The following IL22RA1 variants were observed in gnomAD, a reference collection of about 807,000 sequenced individuals.
IL22RA1 encodes interleukin 22 receptor subunit alpha 1.
Under a neutral mutation model 32.8 loss-of-function variants are expected in IL22RA1, and 25 were observed. The observed-to-expected ratio is 0.76, with a 90% CI of 0.55 to 1.06. IL22RA1 has a LOEUF of 1.06. IL22RA1 is among the 50% of genes least tolerant of loss of function. The pLI is 0.00. For synonymous variants in IL22RA1, 305 were observed against 305.0 expected (o/e 1.00, Z 0.00); for missense variants, 709 against 727.4 (o/e 0.97, Z 0.29).
At chr1:24,133,874 T>C (rs1644223497) in intron 4 of IL22RA1, among the ~76,000 whole-genome samples, 1 of 152,102 alleles carries the variant, frequency 6.6e-6, no homozygotes, top group Non-Finnish European at 1.5e-5. Flanking sequence ...CATATGTAGC[T>C]AACCTGCACA....
At chr1:24,134,515 A>C (rs1164428250) in intron 3 of IL22RA1, 129 bp from the exon 4 acceptor site, 1 of 616,724 alleles carries the variant, frequency 1.6e-6, no homozygotes, top group Non-Finnish European at 2.5e-6. Flanking sequence ...TATGCTTCTG[A>C]AAGCAACGGC....
intron 4 of IL22RA1, among the ~76,000 whole-genome samples, chr1:24,132,830 G>A (rs554480988): frequency 1.3e-4 from 19 of 151,500 alleles, no homozygotes; most frequent in Admixed American, 2.0e-4. Flanking sequence ...GTGAGGCCCC[G>A]TCTCTCTTTT....
intron 5 of IL22RA1, among the ~76,000 whole-genome samples, chr1:24,125,343 C>G (rs527934613): frequency 6.6e-6 from 1 of 152,156 alleles, no homozygotes; most frequent in Non-Finnish European, 1.5e-5. Context: ...ATCCTCCCTG[C>G]CACTCTGCAA....
At position 24,121,595 on chromosome 1, in the gene IL22RA1, G is replaced by T. The variant is rs746596005; in HGVS notation, c.935C>A (p.Pro312His). ...GCTATGCCGCTGTGGAGCTCCTGCG[G>T]GCTCCCTGGGTCCAGACACCCTGAT... Reference protein sequence around the residue: ...SQIRVSGPREPAGAPQRHSLS... With the variant: ...SQIRVSGPREHAGAPQRHSLS... The change falls in exon 7 of 7, where the codon CCC (proline) becomes CAC (histidine). Residue 312 changes from proline (P) to histidine (H), a missense_variant. Pro to His is a moderately conservative substitution (Grantham distance 77, BLOSUM62 -2). Transcript: ENST00000270800. The T allele has an allele frequency of 6.2e-7, 1 of 1,612,882 alleles. No homozygotes were observed. The highest frequency in any genetic ancestry group is 1.1e-5 in the South Asian group (1 of 90,974).
chr1:24,123,460 G>A, intron 5 of IL22RA1, 37 bp from the exon 6 acceptor site: 1 of 1,602,768 alleles, frequency 6.2e-7, no homozygotes, highest in Non-Finnish European at 8.5e-7. Flanking sequence ...GAAGCGTGAG[G>A]CTGGGCTCTG....
Position 24,121,021 on chromosome 1 carries a change from C to G in IL22RA1, c.1509G>C (p.Gln503His). 1 of 1,614,164 alleles carries G rather than the reference C, an allele frequency of 6.2e-7. No individual in the cohort carries two copies. The highest frequency in any genetic ancestry group is 1.3e-5 in the African/African-American group (1 of 75,060). Residue 503 changes from glutamine (Q) to histidine (H), a missense_variant, in exon 7 of 7, where the codon CAG becomes CAC. Transcript: ENST00000270800. ...GGAGGGACATGGGGTGGCCCTCGATCTGGACTGAGGAGAGGAGGGGGAGCT... is the reference window on the plus strand; with the variant it reads ...GGAGGGACATGGGGTGGCCCTCGATGTGGACTGAGGAGAGGAGGGGGAGCT... ...KGQLPLLSSV[Q>H]IEGHPMSLPL...
Position 24,143,124 on chromosome 1 carries a change from T to C in IL22RA1, c.-42A>G, listed in dbSNP as rs780395219. On this transcript the variant is annotated 5_prime_UTR_variant, in exon 1 of 7. Coordinates refer to ENST00000270800, the MANE Select transcript of IL22RA1 (RefSeq NM_021258.4). ...CCCTCCCTTGGCCTCTACTCTGCCGTGCACAGAGAGAGGGCTGGGAGTCTT... is the reference window on the plus strand; with the variant it reads ...CCCTCCCTTGGCCTCTACTCTGCCGCGCACAGAGAGAGGGCTGGGAGTCTT... 2 of 1,494,878 alleles carry C rather than the reference T, an allele frequency of 1.3e-6. No homozygotes were observed. Among genetic ancestry groups the C allele is most frequent in the Non-Finnish European group, 9.0e-7 (1 of 1,106,630 alleles). The allele number at this position is 1,494,878 out of a possible 1,614,324, so 92.6% of individuals were successfully genotyped here. A position where few individuals can be genotyped will look rare whatever the true frequency, so the allele number is the denominator to read the frequency against.
chr1:24,131,703 T>C (rs555562166), intron 4 of IL22RA1, among the ~76,000 whole-genome samples: 14 of 152,334 alleles, frequency 9.2e-5, no homozygotes, highest in Middle Eastern at 3.4e-3. Flanking sequence ...AAACGACCAA[T>C]TGACCTCTCA....
Position 24,121,421 on chromosome 1 carries a change from G to T in IL22RA1, c.1109C>A (p.Pro370His). The change falls in exon 7 of 7, where the codon CCC becomes CAC. Residue 370 changes from proline to histidine, a missense_variant. Transcript: ENST00000270800. ...GGCGTAGAATGGGAATTGAGCTTCG[G>T]GGGTCACCTGAGGTGCATAGGATGG... ...GPPSYAPQVT[P>H]EAQFPFYAPQ... 6.5e-7 allele frequency: 1 copy of T among 1,549,888 alleles called. No individual in the cohort carries two copies. The highest frequency in any genetic ancestry group is 8.7e-7 in the Non-Finnish European group (1 of 1,146,326).
chr1:24,123,123 T>C lies in IL22RA1; in HGVS notation c.792+179A>G, dbSNP rs147255135. 3.7e-3 allele frequency among the ~76,000 whole-genome samples: 564 copies of C among 152,354 alleles called. 6 individuals are homozygous for C. Among genetic ancestry groups the C allele is most frequent in the African/African-American group, 0.013 (523 of 41,582 alleles). ...TCACCCACCCCACTTCAATGTGTCC[T>C]GAGACCTGCTGGGCTACACGTCCGT... On this transcript the variant is annotated intron_variant, in intron 6 of 6. Coordinates refer to ENST00000270800, the MANE Select transcript of IL22RA1 (RefSeq NM_021258.4).
At chr1:24,134,883 T>A in intron 3 of IL22RA1, 1 of 975,738 alleles carries the variant, frequency 1.0e-6, no homozygotes, top group Non-Finnish European at 1.2e-6. Context: ...CCAAATTACC[T>A]TTGCTGGTTT....
intron 1 of IL22RA1, among the ~76,000 whole-genome samples, chr1:24,140,296 C>T (rs563204777): frequency 4.6e-5 from 7 of 152,092 alleles, no homozygotes; most frequent in South Asian, 2.1e-4. Flanking sequence ...GCGGATAGAG[C>T]GGGTTGGCGT....
At position 24,134,320 on chromosome 1, in the gene IL22RA1, G is replaced by A. The variant is rs1644227458; in HGVS notation, c.422C>T (p.Pro141Leu). Residue 141 changes from proline (P) to leucine (L), a missense_variant, in exon 4 of 7, where the codon CCT becomes CTT. By Grantham distance (98) the Pro-to-Leu change is moderately conservative. Transcript: ENST00000270800. ...KVRSIQMIVH[P>L]TPTPIRAGDG... is the part of the protein sequence containing the mutation. ...GCCTGCACGGATTGGCGTGGGGGTA[G>A]GATGAACAATCATCTGAATCGATCT... The A allele has an allele frequency of 1.9e-6, 3 of 1,605,736 alleles. No individual in the cohort carries two copies. The African/African-American group carries it at 4.0e-5, about 22-fold the overall frequency.
chr1:24,134,215 T>C lies in IL22RA1; in HGVS notation c.527A>G (p.Gln176Arg). ...HLELQVNRTY[Q>R]MHLGGKQREY... ...CAGGGTGCAACATACACTCACCATT[T>C]GGTAGGTGCGGTTGACCTGGAGCTC... Residue 176 changes from glutamine to arginine, a missense_variant, in exon 4 of 7, where the codon CAA becomes CGA. Coordinates refer to ENST00000270800, the MANE Select transcript of IL22RA1 (RefSeq NM_021258.4). 6.2e-7 allele frequency: 1 copy of C among 1,609,816 alleles called. No individual in the cohort carries two copies. The highest frequency in any genetic ancestry group is 8.5e-7 in the Non-Finnish European group (1 of 1,178,034).
intron 1 of IL22RA1, among the ~76,000 whole-genome samples, chr1:24,139,079 C>T (rs949860214): frequency 6.6e-6 from 1 of 152,172 alleles, no homozygotes; most frequent in African/African-American, 2.4e-5. Flanking sequence ...TTTTTAGCAC[C>T]CCAAAAAGAA....
Position 24,143,105 on chromosome 1 carries a change from C to T in IL22RA1, c.-23G>A. ...CATCGGGGCTGGCACAGAGCCCTCC[C>T]TTGGCCTCTACTCTGCCGTGCACAG... On this transcript the variant is annotated 5_prime_UTR_variant, in exon 1 of 7. Transcript: ENST00000270800. The T allele has an allele frequency of 6.3e-7, 1 of 1,595,392 alleles. No homozygotes were observed. The highest frequency in any genetic ancestry group is 2.3e-5 in the East Asian group (1 of 43,810).
At chr1:24,140,964 C>T (rs1644277601) in intron 1 of IL22RA1, among the ~76,000 whole-genome samples, 2 of 152,198 alleles carry the variant, frequency 1.3e-5, no homozygotes, top group Admixed American at 6.5e-5. Flanking sequence ...CCTACTCCAA[C>T]TCTACACACA....
At chr1:24,142,902 C>A in intron 1 of IL22RA1, 138 bp downstream of exon 1, 1 of 823,034 alleles carries the variant, frequency 1.2e-6, no homozygotes, top group East Asian at 2.7e-5. Flanking sequence ...TCCGTGAACA[C>A]CCGGCACCCT....
intron 1 of IL22RA1, among the ~76,000 whole-genome samples, chr1:24,140,637 C>A (rs1644274217): frequency 6.6e-6 from 1 of 152,066 alleles, no homozygotes; most frequent in Non-Finnish European, 1.5e-5. Context: ...GGGGCTGCAG[C>A]CTCTAAAGCA....
Sources: gnomAD v4.1 joint callset for allele counts (sites outside exome capture counted in the v4.1 genomes callset) on GRCh38, gnomAD v4.1.1 for gene constraint, MANE v1.5 for transcripts, NCBI Gene and HGNC (gene_info 2026-07-23, HGNC 2026-07-21) for gene names.